Variants in TAPT1 observed in about 807,000 individuals in gnomAD.
The protein encoded by TAPT1 is transmembrane anterior posterior transformation 1.
TAPT1 carries 28 observed loss-of-function variants against 65.6 expected under a neutral mutation model. That is an observed-to-expected ratio of 0.43 (90% CI 0.32 to 0.59). The LOEUF (loss-of-function observed/expected upper bound fraction) is 0.59, where lower values mean the gene tolerates loss of function less well. Ranked by LOEUF, TAPT1 falls within the 20% of genes least tolerant of loss-of-function variation. The probability of loss-of-function intolerance (pLI) is 0.09; values close to 1 mark genes in which losing one functional copy is unlikely to be tolerated. For missense variants in TAPT1, 563 were observed against 679.9 expected, an observed-to-expected ratio of 0.83 and a Z score of 1.91; for synonymous variants, 278 against 245.2, an observed-to-expected ratio of 1.13 and a Z score of -1.25.
chr4:16,168,691 CAACT>C lies in TAPT1; in HGVS notation c.1314-1902_1314-1899del, dbSNP rs1174964251. Reference sequence around the variant, plus strand: ...TGCTTTTCTTCCTAATGATTCCTACCAACTGTCAATAGAGTGACTTGTTTTTCTA... The same window carrying C: ...TGCTTTTCTTCCTAATGATTCCTACCGTCAATAGAGTGACTTGTTTTTCTA... On this transcript the variant is annotated intron_variant, in intron 12 of 13. Transcript: ENST00000405303. 3.7e-4 allele frequency among the ~76,000 whole-genome samples: 57 copies of C among 152,260 alleles called. 1 individual carries two copies. Among genetic ancestry groups the C allele is most frequent in the African/African-American group, 1.3e-3 (55 of 41,476 alleles).
chr4:16,224,299 C>T (rs1751425110), intron 1 of TAPT1, among the ~76,000 whole-genome samples: 1 of 152,170 alleles, frequency 6.6e-6, no homozygotes, highest in African/African-American at 2.4e-5. Flanking sequence ...CTAGACTTAG[C>T]AGCCTGGGCA....
At position 16,187,732 on chromosome 4, in the gene TAPT1, C is replaced by G. The variant is rs376331599; in HGVS notation, c.748+488G>C. On this transcript the variant is annotated intron_variant, in intron 5 of 13. Transcript: ENST00000405303. ...CACTGCTTATACAGTAAAGCACTTA[C>G]TCTCCAATAGAAAAGCTTAAAGCCA... Among the ~76,000 whole-genome samples the G allele has an allele frequency of 6.4e-4, 97 of 152,126 alleles. 1 individual carries two copies. Among genetic ancestry groups the G allele is most frequent in the African/African-American group, 2.2e-3 (91 of 41,424 alleles).
chr4:16,169,049 A>T (rs1182219464), intron 12 of TAPT1, among the ~76,000 whole-genome samples: 2 of 152,252 alleles, frequency 1.3e-5, no homozygotes, highest in African/African-American at 4.8e-5. Flanking sequence ...ATTGATAAAG[A>T]AGGCATGGAC....
rs9993432 is a variant in TAPT1, at chr4:16,177,446, G to A, written c.998-1218C>T. On this transcript the variant is annotated intron_variant, in intron 8 of 13. Transcript: ENST00000405303. The stretch of plus-strand genomic sequence containing the variant: ...CAAGACTCAGGTAGCCGGAAGGTGG[G>A]ATGGAGATGACACAGCTGGGCTATC... Among the ~76,000 whole-genome samples the A allele has an allele frequency of 9.4e-3, 1,426 of 152,296 alleles. 20 individuals are homozygous for A. The highest frequency in any genetic ancestry group is 0.033 in the African/African-American group (1,385 of 41,560).
At chr4:16,197,294 G>C (rs1749768129) in intron 3 of TAPT1, among the ~76,000 whole-genome samples, 1 of 152,126 alleles carries the variant, frequency 6.6e-6, no homozygotes, top group Non-Finnish European at 1.5e-5. Context: ...TGCTCTAATA[G>C]TAAAAAACAA....
Position 16,170,745 on chromosome 4 carries a change from CCAAAA to C in TAPT1, c.1237-21_1237-17del. ...CTCTGATGAGCTAGCCAGAAACAAA[CCAAAA>C]CAACAAAAACACACAAACAGAACAC... On this transcript the variant is annotated splice_polypyrimidine_tract_variant and intron_variant, in intron 11 of 13. Coordinates refer to ENST00000405303, the MANE Select transcript of TAPT1 (RefSeq NM_153365.3). 1 of 1,605,162 alleles carries C rather than the reference CCAAAA, an allele frequency of 6.2e-7. No individual in the cohort carries two copies. Among genetic ancestry groups the C allele is most frequent in the South Asian group, 1.1e-5 (1 of 90,650 alleles).
At chr4:16,191,582 CAAT>C (rs1471218968) in intron 3 of TAPT1, 59 bp from the exon 4 acceptor site, 1 of 1,476,622 alleles carries the variant, frequency 6.8e-7, no homozygotes, top group Non-Finnish European at 9.1e-7. Flanking sequence ...CTCACAAAAA[CAAT>C]AATCTTTACT....
In TAPT1 at chr4:16,161,587, G is replaced by A. The variant is rs1334206881; in HGVS notation, c.*1721C>T. ...GTTCCTTTTGTTGGTAAAGGGAGAT[G>A]GAAAAAATAATTCTAAAATGGGGCT... is the stretch of plus-strand genomic sequence containing the variant. On this transcript the variant is annotated 3_prime_UTR_variant, in exon 14 of 14. Transcript: ENST00000405303. 3.9e-5 allele frequency: 6 copies of A among 152,246 alleles called. No homozygotes were observed. Among genetic ancestry groups the A allele is most frequent in the African/African-American group, 1.2e-4 (5 of 41,304 alleles). 9.4% of individuals were successfully genotyped at this position (152,246 alleles called of 1,614,324 possible). A position where few individuals can be genotyped will look rare whatever the true frequency, so the allele number is the denominator to read the frequency against.
chr4:16,199,034 G>A lies in TAPT1; in HGVS notation c.449+3428C>T, dbSNP rs116043192. Among the ~76,000 whole-genome samples the A allele has an allele frequency of 4.4e-3, 675 of 152,208 alleles. 6 individuals carry two copies. The highest frequency in any genetic ancestry group is 0.016 in the African/African-American group (654 of 41,524). On this transcript the variant is annotated intron_variant, in intron 3 of 13. Transcript: ENST00000405303. ...TGATAAACCATACTTAAGGCACTAA[G>A]ACATTAGGCAGGATTTTCATATTCT...
Position 16,179,631 on chromosome 4 carries a change from C to T in TAPT1, c.943G>A (p.Val315Met). ...SDIKERFTNYVLLLIVCLRNM... is the reference protein window; with the variant it reads ...SDIKERFTNYMLLLIVCLRNM... The stretch of plus-strand genomic sequence containing the variant: ...CTTAGACACACTATCAGTAAAAGCA[C>T]ATAATTTGTGAATCGTTCCTTAATA... The change falls in exon 8 of 14, where the codon GTG becomes ATG. Residue 315 changes from valine (V) to methionine (M), a missense_variant. Transcript: ENST00000405303. 4 of 1,538,226 alleles carry T rather than the reference C, an allele frequency of 2.6e-6. No homozygotes were observed. Among genetic ancestry groups the T allele is most frequent in the South Asian group, 1.2e-5 (1 of 81,040 alleles).
At chr4:16,173,544 G>A (rs925747076) in intron 11 of TAPT1, among the ~76,000 whole-genome samples, 6 of 149,910 alleles carry the variant, frequency 4.0e-5, no homozygotes, top group Non-Finnish European at 9.0e-5. Flanking sequence ...TCAGCCTCCC[G>A]AGTAAAAAAA....
upstream of TAPT1, chr4:16,227,284 C>G: frequency 2.2e-6 from 1 of 455,692 alleles, no homozygotes; most frequent in Non-Finnish European, 4.4e-6. Flanking sequence ...TAGGAGACAG[C>G]CCTTGGCCAC....
intron 7 of TAPT1, among the ~76,000 whole-genome samples, chr4:16,184,597 G>C (rs1044603391): frequency 6.6e-6 from 1 of 152,188 alleles, no homozygotes; most frequent in Admixed American, 6.6e-5. Flanking sequence ...ATCGATGCCT[G>C]AGTGCCAGTT....
At chr4:16,189,740 T>C (rs1361066501) in intron 4 of TAPT1, among the ~76,000 whole-genome samples, 1 of 152,208 alleles carries the variant, frequency 6.6e-6, no homozygotes, top group Non-Finnish European at 1.5e-5. Context: ...TGTGAATACG[T>C]ATATAAATCA....
chr4:16,212,490 C>T (rs1259250847), intron 2 of TAPT1, among the ~76,000 whole-genome samples: 1 of 152,184 alleles, frequency 6.6e-6, no homozygotes, highest in Non-Finnish European at 1.5e-5. Flanking sequence ...AAACATCCGC[C>T]TACCCTACTC....
At position 16,188,102 on chromosome 4, in the gene TAPT1, A is replaced by C. The variant is rs973419562; in HGVS notation, c.748+118T>G. On this transcript the variant is annotated intron_variant, in intron 5 of 13. Transcript: ENST00000405303. ...CAACAGAACACAAATATTTCACATT[A>C]ATCTTCAGGATACATACATTATCTA... 3.6e-6 allele frequency: 3 copies of C among 827,680 alleles called. No homozygotes were observed. In the African/African-American group the frequency reaches 5.3e-5, roughly 15 times the overall value. The allele number at this position is 827,680 out of a possible 1,614,324, so 51.3% of individuals were successfully genotyped here. A position where few individuals can be genotyped will look rare whatever the true frequency, so the allele number is the denominator to read the frequency against.
intron 2 of TAPT1, 92 bp from the exon 3 acceptor site, chr4:16,202,672 T>C: frequency 1.5e-6 from 1 of 674,594 alleles, no homozygotes; most frequent in Middle Eastern, 3.4e-4. Context: ...CTAAACATTA[T>C]AAAAAATTAA....
At chr4:16,179,698 AAAC>A (rs1187501621) in intron 7 of TAPT1, 41 bp from the exon 8 acceptor site, 110 of 1,028,214 alleles carry the variant, frequency 1.1e-4, no homozygotes, top group Admixed American at 3.2e-4. Context: ...TAGTGTATAT[AAAC>A]AACATAATAA....
chr4:16,219,025 T>C (rs1171774307), intron 1 of TAPT1, among the ~76,000 whole-genome samples: 2 of 152,112 alleles, frequency 1.3e-5, no homozygotes, highest in Non-Finnish European at 2.9e-5. Flanking sequence ...GATTCTACAA[T>C]GGAGAATATA....
Sources: gnomAD v4.1 joint callset for allele counts (sites outside exome capture counted in the v4.1 genomes callset) on GRCh38, gnomAD v4.1.1 for gene constraint, MANE v1.5 for transcripts, NCBI Gene and HGNC (gene_info 2026-07-23, HGNC 2026-07-21) for gene names.